The following ATXN1 variants were observed in gnomAD, a reference collection of about 807,000 sequenced individuals.
ATXN1 encodes ataxin-1.
A neutral mutation model predicts 56.4 loss-of-function variants in ATXN1; 8 were observed. That is an observed-to-expected ratio of 0.14 (90% CI 0.08 to 0.26). The LOEUF (loss-of-function observed/expected upper bound fraction) is 0.26, where lower values mean the gene tolerates loss of function less well. Ranked by LOEUF, ATXN1 falls within the 10% of genes least tolerant of loss-of-function variation. ATXN1 has a pLI of 1.00. For missense variants in ATXN1, 987 were observed against 1,106.5 expected, an observed-to-expected ratio of 0.89 and a Z score of 1.53; for synonymous variants, 514 against 494.6, an observed-to-expected ratio of 1.04 and a Z score of -0.52.
At chr6:16,740,231 A>G (rs1760289909) in intron 2 of ATXN1, among the ~76,000 whole-genome samples, 1 of 152,346 alleles carries the variant, frequency 6.6e-6, no homozygotes, top group African/African-American at 2.4e-5. Flanking sequence ...AGAGATGGAC[A>G]GTGTATTTTA....
At chr6:16,428,598 CATT>C (rs1351527583) in intron 6 of ATXN1, among the ~76,000 whole-genome samples, 1 of 152,140 alleles carries the variant, frequency 6.6e-6, no homozygotes, top group Non-Finnish European at 1.5e-5. Flanking sequence ...AGGTAGCTAT[CATT>C]ATTAAGCCAA....
chr6:16,343,154 C>T (rs1277951273), intron 6 of ATXN1, among the ~76,000 whole-genome samples: 1 of 152,156 alleles, frequency 6.6e-6, no homozygotes, highest in Non-Finnish European at 1.5e-5. Flanking sequence ...ACCATCCTGG[C>T]TAACACGGTG....
rs192654670 is a variant in ATXN1, at chr6:16,410,297, T to G, written c.-161+75675A>C. Among the ~76,000 whole-genome samples the G allele has an allele frequency of 2.2e-3, 342 of 152,324 alleles. 1 individual carries two copies. The highest frequency in any genetic ancestry group is 4.1e-3 in the Non-Finnish European group (282 of 68,026). On this transcript the variant is annotated intron_variant, in intron 6 of 7. Coordinates refer to ENST00000436367, the MANE Select transcript of ATXN1 (RefSeq NM_001128164.2). This position sits in a 1 kb window ranked among gnomAD's most constrained non-coding sequence, Gnocchi z 4.6. Reference sequence around the variant, plus strand: ...AAGGAATTTACAATCCAGTTGATGATGTAAGACCCACTATCATAAGCCAAT... The same window carrying G: ...AAGGAATTTACAATCCAGTTGATGAGGTAAGACCCACTATCATAAGCCAAT...
intron 6 of ATXN1, chr6:16,432,827 G>A (rs1336120247): frequency 6.6e-6 from 1 of 151,888 alleles, no homozygotes; most frequent in Non-Finnish European, 1.5e-5. Context: ...CTGCATGGAA[G>A]CCTGCCAATG....
At chr6:16,569,948 C>A (rs570536545) in intron 4 of ATXN1, among the ~76,000 whole-genome samples, 1 of 152,176 alleles carries the variant, frequency 6.6e-6, no homozygotes, top group Non-Finnish European at 1.5e-5. Flanking sequence ...CTGAGCCTTG[C>A]GATACAAGGA....
intron 6 of ATXN1, among the ~76,000 whole-genome samples, chr6:16,447,615 C>T (rs1759662085): frequency 6.6e-6 from 1 of 152,108 alleles, no homozygotes; most frequent in South Asian, 2.1e-4. Flanking sequence ...CCTCGGCCTC[C>T]CAAAGTGCTG....
At chr6:16,624,022 C>T (rs1175456055) in intron 3 of ATXN1, among the ~76,000 whole-genome samples, 3 of 152,092 alleles carry the variant, frequency 2.0e-5, no homozygotes, top group Admixed American at 2.0e-4. Flanking sequence ...AGAAGAGTTG[C>T]TATTTAATGG....
At chr6:16,699,345 T>C (rs139253106) in intron 2 of ATXN1, among the ~76,000 whole-genome samples, 1,987 of 152,316 alleles carry the variant, frequency 0.013, 38 homozygotes, top group African/African-American at 0.046. Flanking sequence ...TATGTCCCTG[T>C]CATTTACTAC....
rs759259681 is a variant in ATXN1 at position 16,326,805 on chromosome 6, C to A, written c.1506G>T (p.Ser502=). 1 of 1,608,492 alleles carries A rather than the reference C, an allele frequency of 6.2e-7. No individual in the cohort carries two copies. Among genetic ancestry groups the A allele is most frequent in the Non-Finnish European group, 8.5e-7 (1 of 1,176,268 alleles). ...IPVGSTDMEA[S]GAAPAIVTSS... ...ACGTGACTATGGCCGGGGCTGCCCC[C>A]GACGCTTCCATGTCAGTGCTGCCGA... is the stretch of plus-strand genomic sequence containing the variant. Residue 502 remains serine (S), a synonymous_variant, in exon 7 of 8, where the codon TCG becomes TCT. Coordinates refer to ENST00000436367, the MANE Select transcript of ATXN1 (RefSeq NM_001128164.2). This position sits in a 1 kb window ranked among gnomAD's most constrained non-coding sequence, Gnocchi z 6.6.
chr6:16,543,104 CA>C (rs1207004328), intron 4 of ATXN1, among the ~76,000 whole-genome samples: 2 of 152,160 alleles, frequency 1.3e-5, no homozygotes, highest in Non-Finnish European at 2.9e-5. Flanking sequence ...AGCATGTCCA[CA>C]AATGGCCTTT....
At chr6:16,439,391 T>TGGGGGGGGGG (rs1470984574) in intron 6 of ATXN1, among the ~76,000 whole-genome samples, 1 of 1,326 alleles carries the variant, frequency 7.5e-4, no homozygotes, top group Non-Finnish European at 1.3e-3. Flanking sequence ...GAATAAGGGT[T>TGGGGGGGGGG]GGGGTGGGGT....
chr6:16,420,585 C>T (rs936885701), intron 6 of ATXN1, among the ~76,000 whole-genome samples: 10 of 152,126 alleles, frequency 6.6e-5, no homozygotes, highest in Non-Finnish European at 1.3e-4. Context: ...GGATAAAACT[C>T]GGAACAAAAC....
chr6:16,446,935 T>G (rs916952973), intron 6 of ATXN1, among the ~76,000 whole-genome samples: 2 of 152,190 alleles, frequency 1.3e-5, no homozygotes, highest in African/African-American at 4.8e-5. Context: ...AGAAGATAAG[T>G]TTGCATTTTT....
intron 6 of ATXN1, among the ~76,000 whole-genome samples, chr6:16,424,677 A>G (rs1759112574): frequency 6.6e-6 from 1 of 152,242 alleles, no homozygotes; most frequent in African/African-American, 2.4e-5. Context: ...GTAAGAGCTC[A>G]CTGGCCTGGC....
At chr6:16,455,531 C>T (rs879402621) in intron 6 of ATXN1, among the ~76,000 whole-genome samples, 6 of 152,150 alleles carry the variant, frequency 3.9e-5, no homozygotes, top group Non-Finnish European at 7.3e-5. Flanking sequence ...GCTAAACATA[C>T]TCTTAACATG....
At position 16,301,097 on chromosome 6, in the gene ATXN1, T is replaced by TTTTA. The variant is rs1554135815; in HGVS notation, c.*5231_*5232insTAAA. The TTTTA allele has an allele frequency of 6.6e-6, 1 of 152,242 alleles. No individual in the cohort carries two copies. Among genetic ancestry groups the TTTTA allele is most frequent in the Non-Finnish European group, 1.5e-5 (1 of 67,962 alleles). The allele number at this position is 152,242 out of a possible 1,614,324, so 9.4% of individuals were successfully genotyped here. A position where few individuals can be genotyped will look rare whatever the true frequency, so the allele number is the denominator to read the frequency against. On this transcript the variant is annotated 3_prime_UTR_variant, in exon 8 of 8. Coordinates refer to ENST00000436367, the MANE Select transcript of ATXN1 (RefSeq NM_001128164.2). ...CAACCCTTCTCTGCTTTTTTTTTTT[T>TTTTA]ACAAACAAAGTATGAAACTCATTGT...
intron 6 of ATXN1, among the ~76,000 whole-genome samples, chr6:16,380,035 G>A (rs974578585): frequency 2.0e-5 from 3 of 152,192 alleles, no homozygotes; most frequent in African/African-American, 7.2e-5. Context: ...TTTAGCCACA[G>A]GATTTTCTTC....
At chr6:16,398,097 T>C (rs1758492491) in intron 6 of ATXN1, among the ~76,000 whole-genome samples, 2 of 152,210 alleles carry the variant, frequency 1.3e-5, no homozygotes, top group South Asian at 4.1e-4. Context: ...GACTTTTTTT[T>C]CAAAAGGTCA....
chr6:16,650,684 G>A (rs537672333), intron 3 of ATXN1, among the ~76,000 whole-genome samples: 18 of 152,338 alleles, frequency 1.2e-4, no homozygotes, highest in Non-Finnish European at 1.6e-4. Flanking sequence ...TAAACAGGCT[G>A]TAACCTATTC....
Sources: allele counts gnomAD v4.1 joint callset (sites outside exome capture counted in the v4.1 genomes callset), GRCh38; gene constraint gnomAD v4.1.1; non-coding constraint Gnocchi (gnomAD v3.1); transcripts MANE v1.5; gene names NCBI Gene and HGNC (gene_info 2026-07-23, HGNC 2026-07-21).